Variants in KCNU1 observed in about 807,000 individuals in gnomAD.
KCNU1 encodes the protein potassium calcium-activated channel subfamily U member 1, also known as potassium channel subfamily U member 1.
Under a neutral mutation model 126.8 loss-of-function variants are expected in KCNU1, and 93 were observed. The observed-to-expected ratio is 0.73, with a 90% CI of 0.62 to 0.87. The LOEUF (loss-of-function observed/expected upper bound fraction) is 0.87, where lower values mean the gene tolerates loss of function less well. Among genes scored for constraint, KCNU1 ranks in the 40% least tolerant of loss-of-function variants. The probability of loss-of-function intolerance (pLI) is 0.00; values close to 1 mark genes in which losing one functional copy is unlikely to be tolerated. For synonymous variants in KCNU1, 523 were observed against 494.2 expected, an observed-to-expected ratio of 1.06 and a Z score of -0.77; for missense variants, 1,330 against 1,367.1, an observed-to-expected ratio of 0.97 and a Z score of 0.43.
At chr8:36,815,106 G>A (rs963414681) in intron 8 of KCNU1, among the ~76,000 whole-genome samples, 5 of 152,040 alleles carry the variant, frequency 3.3e-5, no homozygotes, top group Admixed American at 6.6e-5. Context: ...CAAGGCAGGC[G>A]GATTACCTGA....
intron 24 of KCNU1, among the ~76,000 whole-genome samples, chr8:36,927,735 C>T (rs190081403): frequency 5.3e-5 from 8 of 152,246 alleles, no homozygotes; most frequent in Non-Finnish European, 1.0e-4. Context: ...ACAACATTCA[C>T]GGTAGCTGAA....
intron 20 of KCNU1, among the ~76,000 whole-genome samples, chr8:36,908,723 C>T (rs1238693483): frequency 6.6e-6 from 1 of 152,044 alleles, no homozygotes; most frequent in East Asian, 1.9e-4. Flanking sequence ...TTCCTTGATG[C>T]AGGAGTCTAT....
chr8:36,907,236 A>G (rs573841584), intron 20 of KCNU1, among the ~76,000 whole-genome samples: 1 of 152,244 alleles, frequency 6.6e-6, no homozygotes, highest in South Asian at 2.1e-4. Context: ...TCAAGTAGAA[A>G]TGATCAATTT....
intron 7 of KCNU1, among the ~76,000 whole-genome samples, chr8:36,812,378 CA>C (rs765551359): frequency 0.26 from 21,431 of 83,430 alleles, 1,421 homozygotes; most frequent in Admixed American, 0.37. Flanking sequence ...AGACTCCTCT[CA>C]AAAAAAAAAA....
At chr8:36,845,707 A>G (rs750200601) in intron 17 of KCNU1, 38 bp downstream of exon 17, 7 of 1,489,460 alleles carry the variant, frequency 4.7e-6, no homozygotes, top group Non-Finnish European at 6.6e-6. Flanking sequence ...GCACTAAAGC[A>G]ACTACAGCTT....
chr8:36,798,650 C>T lies in KCNU1; in HGVS notation c.316-5377C>T, dbSNP rs116077058. Among the ~76,000 whole-genome samples the T allele has an allele frequency of 9.2e-3, 1,403 of 152,256 alleles. 19 individuals carry two copies. The highest frequency in any genetic ancestry group is 0.03 in the African/African-American group (1,258 of 41,538). ...TCTTTTACCTTAACCTGAACATTTC[C>T]TTTCTATCAATCCCAGGTCTCCAGA... On this transcript the variant is annotated intron_variant, in intron 2 of 26. Coordinates refer to ENST00000399881, the MANE Select transcript of KCNU1 (RefSeq NM_001031836.3).
At chr8:36,832,778 T>A (rs1255352175) in intron 10 of KCNU1, among the ~76,000 whole-genome samples, 3 of 152,126 alleles carry the variant, frequency 2.0e-5, no homozygotes, top group African/African-American at 7.2e-5. Flanking sequence ...ATTTCCTTGA[T>A]CCTATTCTAA....
At chr8:36,920,611 G>C (rs903542610) in intron 23 of KCNU1, among the ~76,000 whole-genome samples, 9 of 152,176 alleles carry the variant, frequency 5.9e-5, no homozygotes, top group Admixed American at 2.0e-4. Flanking sequence ...GTACCACTTT[G>C]GTACAGAATG....
At chr8:36,867,156 T>C (rs1454450882) in intron 19 of KCNU1, among the ~76,000 whole-genome samples, 1 of 151,902 alleles carries the variant, frequency 6.6e-6, no homozygotes, top group African/African-American at 2.4e-5. Flanking sequence ...AGAAGCCAAA[T>C]AAAGTGGTAG....
At chr8:36,918,637 T>G (rs537388831) in intron 22 of KCNU1, among the ~76,000 whole-genome samples, 186 bp from the exon 23 acceptor site, 2 of 151,974 alleles carry the variant, frequency 1.3e-5, no homozygotes, top group African/African-American at 4.8e-5. Flanking sequence ...CCCACATTTA[T>G]CTAAAGGAGA....
At chr8:36,793,979 G>T (rs7818841) in intron 2 of KCNU1, among the ~76,000 whole-genome samples, 22,714 of 150,304 alleles carry the variant, frequency 0.15, 2,167 homozygotes, top group East Asian at 0.35. Flanking sequence ...ACTTGAACCT[G>T]GGCGGCAGAG....
intron 1 of KCNU1, among the ~76,000 whole-genome samples, chr8:36,786,784 C>T (rs1267619832): frequency 6.6e-6 from 1 of 152,132 alleles, no homozygotes; most frequent in African/African-American, 2.4e-5. Flanking sequence ...TAAGTAAAGA[C>T]ATTCTATAAA....
chr8:36,873,087 AAACT>A (rs1435674480), intron 19 of KCNU1, among the ~76,000 whole-genome samples: 1 of 152,154 alleles, frequency 6.6e-6, no homozygotes, highest in African/African-American at 2.4e-5. Context: ...CTCAAAAAAT[AAACT>A]AACCAACCAA....
At chr8:36,886,650 A>T (rs1806715614) in intron 19 of KCNU1, among the ~76,000 whole-genome samples, 1 of 151,676 alleles carries the variant, frequency 6.6e-6, no homozygotes, top group Admixed American at 6.6e-5. Flanking sequence ...GAGACTTAAT[A>T]TTTTTTTAAT....
At chr8:36,796,893 G>A (rs754418030) in intron 2 of KCNU1, among the ~76,000 whole-genome samples, 9 of 151,756 alleles carry the variant, frequency 5.9e-5, no homozygotes, top group Non-Finnish European at 1.3e-4. Context: ...CTATTTTATT[G>A]GTATTTATAT....
chr8:36,802,195 A>C (rs1279407564), intron 2 of KCNU1, among the ~76,000 whole-genome samples: 1 of 151,738 alleles, frequency 6.6e-6, no homozygotes, highest in Non-Finnish European at 1.5e-5. Context: ...AAAGAAAACC[A>C]GTTGAAGCTC....
At chr8:36,892,300 C>T (rs1162344031) in intron 19 of KCNU1, among the ~76,000 whole-genome samples, 1 of 152,014 alleles carries the variant, frequency 6.6e-6, no homozygotes, top group Non-Finnish European at 1.5e-5. Flanking sequence ...TCCAGAATTT[C>T]CATTTGTTTT....
intron 7 of KCNU1, among the ~76,000 whole-genome samples, chr8:36,810,124 C>A (rs1265232967): frequency 1.3e-5 from 2 of 151,946 alleles, no homozygotes; most frequent in Admixed American, 1.3e-4. Flanking sequence ...TGGTGGCATG[C>A]GTCTGTAGTT....
chr8:36,895,315 G>A (rs538432278), intron 19 of KCNU1, among the ~76,000 whole-genome samples: 3 of 152,138 alleles, frequency 2.0e-5, no homozygotes, highest in African/African-American at 7.2e-5. Context: ...CTGGCCTTAA[G>A]TAATCTGCCC....
Sources: allele counts gnomAD v4.1 joint callset (sites outside exome capture counted in the v4.1 genomes callset), GRCh38; gene constraint gnomAD v4.1.1; transcripts MANE v1.5; gene names NCBI Gene and HGNC (gene_info 2026-07-23, HGNC 2026-07-21).